Variants in WWC1 observed in about 807,000 individuals in gnomAD.
WWC1 encodes the protein WW and C2 domain containing 1, also known as protein KIBRA.
A neutral mutation model predicts 138.4 loss-of-function variants in WWC1; 55 were observed. That is an observed-to-expected ratio of 0.40 (90% CI 0.32 to 0.50). WWC1 has a LOEUF of 0.50. Among genes scored for constraint, WWC1 ranks in the 20% least tolerant of loss-of-function variants. The pLI, the probability that WWC1 is intolerant of heterozygous loss-of-function variation, is 0.72. For synonymous variants in WWC1, 524 were observed against 564.9 expected, an observed-to-expected ratio of 0.93 and a Z score of 1.03; for missense variants, 1,226 against 1,420.4, an observed-to-expected ratio of 0.86 and a Z score of 2.20.
intron 11 of WWC1, among the ~76,000 whole-genome samples, chr5:168,425,409 G>C (rs140551797): frequency 6.6e-6 from 1 of 151,930 alleles, no homozygotes; most frequent in Admixed American, 6.6e-5. Context: ...TAGCGTACAG[G>C]TGTTTAGGAT....
At chr5:168,425,494 CTTT>C (rs541197702) in intron 11 of WWC1, among the ~76,000 whole-genome samples, 5 of 135,500 alleles carry the variant, frequency 3.7e-5, no homozygotes, top group Admixed American at 7.6e-5. Flanking sequence ...TTTTAATCTC[CTTT>C]TTTTTTTTTT....
chr5:168,459,857 G>C (rs989162442), intron 19 of WWC1, among the ~76,000 whole-genome samples: 2 of 152,232 alleles, frequency 1.3e-5, no homozygotes, highest in African/African-American at 4.8e-5. Context: ...AATAGGACTC[G>C]AGAAAGAAAT....
At chr5:168,305,552 C>T (rs1770476527) in intron 1 of WWC1, among the ~76,000 whole-genome samples, 1 of 152,100 alleles carries the variant, frequency 6.6e-6, no homozygotes, top group Non-Finnish European at 1.5e-5. Context: ...TTGAATGCTC[C>T]CCGGGTCCGG....
chr5:168,328,798 G>A (rs1167349211), intron 1 of WWC1, among the ~76,000 whole-genome samples: 3 of 152,142 alleles, frequency 2.0e-5, no homozygotes, highest in Non-Finnish European at 4.4e-5. Flanking sequence ...GCCTCCCAAA[G>A]TGCTGAGATT....
At chr5:168,419,476 T>C (rs1780915481) in intron 9 of WWC1, among the ~76,000 whole-genome samples, 1 of 152,184 alleles carries the variant, frequency 6.6e-6, no homozygotes, top group African/African-American at 2.4e-5. Flanking sequence ...CTCTCTGCCA[T>C]CCCCATACAG....
chr5:168,401,108 G>A (rs963285547), intron 5 of WWC1, among the ~76,000 whole-genome samples: 1 of 152,096 alleles, frequency 6.6e-6, no homozygotes, highest in South Asian at 2.1e-4. Context: ...AGGAAAAAAA[G>A]AAAGAAAAGA....
At chr5:168,304,639 A>T (rs775625349) in intron 1 of WWC1, among the ~76,000 whole-genome samples, 1 of 152,066 alleles carries the variant, frequency 6.6e-6, no homozygotes, top group Non-Finnish European at 1.5e-5. Flanking sequence ...CAGCTCAGCA[A>T]TCTGGGTTTT....
intron 11 of WWC1, among the ~76,000 whole-genome samples, chr5:168,427,733 C>T (rs374377956): frequency 6.6e-6 from 1 of 151,166 alleles, no homozygotes; most frequent in Non-Finnish European, 1.5e-5. Context: ...GCAGGCAGAT[C>T]GCCTAAGACC....
intron 6 of WWC1, 60 bp from the exon 7 acceptor site, chr5:168,408,447 G>A (rs897811144): frequency 2.5e-6 from 4 of 1,588,126 alleles, no homozygotes; most frequent in Non-Finnish European, 3.4e-6. Context: ...AGGGAGCGTG[G>A]CAGACCCAGA....
chr5:168,412,986 G>A (rs1476296313), intron 8 of WWC1, among the ~76,000 whole-genome samples: 1 of 152,164 alleles, frequency 6.6e-6, no homozygotes, highest in Non-Finnish European at 1.5e-5. Flanking sequence ...TGGGACACTT[G>A]CCTGGGGAAC....
chr5:168,374,347 GC>G (rs1056298228), intron 2 of WWC1, among the ~76,000 whole-genome samples: 3 of 152,172 alleles, frequency 2.0e-5, no homozygotes, highest in Non-Finnish European at 2.9e-5. Context: ...CGAAGAAAGG[GC>G]CGTGGTAATG....
At chr5:168,428,592 C>T in intron 12 of WWC1, 115 bp from the exon 13 acceptor site, 1 of 992,344 alleles carries the variant, frequency 1.0e-6, no homozygotes, top group Admixed American at 2.6e-5. Context: ...AAAAAAGGAC[C>T]TGAAGGGAAG....
At chr5:168,318,253 T>G (rs1771773090) in intron 1 of WWC1, among the ~76,000 whole-genome samples, 2 of 152,200 alleles carry the variant, frequency 1.3e-5, no homozygotes, top group Admixed American at 1.3e-4. Flanking sequence ...TTAATTACAA[T>G]AATAAAGGTT....
At chr5:168,382,791 T>C (rs538168062) in intron 2 of WWC1, among the ~76,000 whole-genome samples, 1 of 152,342 alleles carries the variant, frequency 6.6e-6, no homozygotes, top group South Asian at 2.1e-4. Flanking sequence ...CAGTTTTTTG[T>C]AGCCACTGTA....
At chr5:168,450,272 A>C (rs1314660764) in intron 17 of WWC1, among the ~76,000 whole-genome samples, 1 of 152,220 alleles carries the variant, frequency 6.6e-6, no homozygotes, top group Non-Finnish European at 1.5e-5. Context: ...GGGAAATGGA[A>C]AGTTTTAAGG....
At chr5:168,359,222 A>AT (rs938213698) in intron 1 of WWC1, among the ~76,000 whole-genome samples, 1 of 151,946 alleles carries the variant, frequency 6.6e-6, no homozygotes, top group African/African-American at 2.4e-5. Flanking sequence ...TGTCTGGCTA[A>AT]TTTTTTTGTA....
chr5:168,337,035 C>T (rs1581956936), intron 1 of WWC1, among the ~76,000 whole-genome samples: 1 of 152,216 alleles, frequency 6.6e-6, no homozygotes, highest in East Asian at 1.9e-4. Flanking sequence ...GAAACTGGCA[C>T]TGAGCTAAAC....
rs931404632 is a variant in WWC1, at chr5:168,450,957, A to G, written c.2526-3011A>G. 3.3e-5 allele frequency among the ~76,000 whole-genome samples: 5 copies of G among 152,264 alleles called. No individual in the cohort carries two copies. The East Asian group carries it at 9.7e-4, about 29-fold the overall frequency. On this transcript the variant is annotated intron_variant, in intron 17 of 22. Transcript: ENST00000265293. ...TACCAGACAAAGGATTCATAGCGCA[A>G]ATATACTAAGATTTCTTACAACTCA... is the stretch of plus-strand genomic sequence containing the variant.
intron 2 of WWC1, among the ~76,000 whole-genome samples, chr5:168,383,282 CT>C (rs1777788099): frequency 6.6e-6 from 1 of 152,074 alleles, no homozygotes; most frequent in African/African-American, 2.4e-5. Context: ...CATTTGTTTC[CT>C]TTACCTGGCA....
Sources: gnomAD v4.1 joint callset for allele counts (sites outside exome capture counted in the v4.1 genomes callset) on GRCh38, gnomAD v4.1.1 for gene constraint, MANE v1.5 for transcripts, NCBI Gene and HGNC (gene_info 2026-07-23, HGNC 2026-07-21) for gene names.